Variants in MBNL1 observed in about 807,000 individuals in gnomAD.
MBNL1 encodes the protein muscleblind like splicing regulator 1.
Under a neutral mutation model 42.2 loss-of-function variants are expected in MBNL1, and 8 were observed. That is an observed-to-expected ratio of 0.19 (90% CI 0.11 to 0.34). MBNL1 has a LOEUF of 0.34. Ranked by LOEUF, MBNL1 falls within the 10% of genes least tolerant of loss-of-function variation. The pLI, the probability that MBNL1 is intolerant of heterozygous loss-of-function variation, is 1.00. For synonymous variants in MBNL1, 169 were observed against 173.9 expected (o/e 0.97, Z 0.22); for missense variants, 309 against 495.3 (o/e 0.62, Z 3.57).
At chr3:152,390,038 T>G (rs1310766288) in intron 2 of MBNL1, among the ~76,000 whole-genome samples, 3 of 151,838 alleles carry the variant, frequency 2.0e-5, no homozygotes, top group Non-Finnish European at 4.4e-5. Flanking sequence ...CCTGGCTAAT[T>G]TTTGTATTTT....
intron 2 of MBNL1, among the ~76,000 whole-genome samples, chr3:152,336,126 C>T (rs2152740738): frequency 6.7e-6 from 1 of 149,762 alleles, no homozygotes; most frequent in East Asian, 1.9e-4. Flanking sequence ...TTTAGATGAT[C>T]TGATCTTATG....
chr3:152,250,428 G>A (rs1171618020), intron 2 of MBNL1, among the ~76,000 whole-genome samples: 2 of 150,948 alleles, frequency 1.3e-5, no homozygotes, highest in East Asian at 3.9e-4. Flanking sequence ...TTTGTCTGTT[G>A]TTGGTGTATA....
chr3:152,414,960 A>G lies in MBNL1; in HGVS notation c.194A>G (p.Asn65Ser), dbSNP rs1279238020. 1 of 1,609,998 alleles carries G rather than the reference A, an allele frequency of 6.2e-7. No homozygotes were observed. The highest frequency in any genetic ancestry group is 2.2e-5 in the East Asian group (1 of 44,578). The change falls in exon 3 of 10, where the codon AAC (asparagine) becomes AGC (serine). Residue 65 changes from asparagine to serine, a missense_variant. Asn to Ser is a conservative substitution (Grantham distance 46, BLOSUM62 1). Coordinates refer to ENST00000324210, the MANE Select transcript of MBNL1 (RefSeq NM_021038.5). ...CTCTAGGGCCGTTGCTCCAGGGAGAACTGCAAATATCTTCATCCACCCCCA... is the reference window on the plus strand; with the variant it reads ...CTCTAGGGCCGTTGCTCCAGGGAGAGCTGCAAATATCTTCATCCACCCCCA... ...DSLKGRCSRE[N>S]CKYLHPPPHL...
intron 4 of MBNL1, among the ~76,000 whole-genome samples, chr3:152,444,766 G>C (rs2099197782): frequency 6.6e-6 from 1 of 152,126 alleles, no homozygotes; most frequent in Non-Finnish European, 1.5e-5. Context: ...GCATGACCTT[G>C]ACACTTTGGG....
chr3:152,420,627 A>G (rs1035910373), intron 3 of MBNL1, among the ~76,000 whole-genome samples: 9 of 152,226 alleles, frequency 5.9e-5, no homozygotes, highest in African/African-American at 2.2e-4. Flanking sequence ...CCAACATCAA[A>G]GACCAAAGGT....
At chr3:152,292,352 C>T (rs988830497) in intron 1 of MBNL1, among the ~76,000 whole-genome samples, 3 of 152,184 alleles carry the variant, frequency 2.0e-5, no homozygotes, top group African/African-American at 7.2e-5. Flanking sequence ...AATTGGAATA[C>T]AGTTTAGTTG....
At chr3:152,393,875 G>A (rs1324337548) in intron 2 of MBNL1, among the ~76,000 whole-genome samples, 3 of 152,076 alleles carry the variant, frequency 2.0e-5, no homozygotes, top group Non-Finnish European at 2.9e-5. Context: ...TTTTCTCAAA[G>A]GTAATTTCTT....
chr3:152,426,167 G>T (rs187440674), intron 3 of MBNL1, among the ~76,000 whole-genome samples: 3 of 151,732 alleles, frequency 2.0e-5, no homozygotes, highest in Non-Finnish European at 2.9e-5. Context: ...GTGGGCACGG[G>T]GGGGGAACAT....
chr3:152,441,106 A>G lies in MBNL1; in HGVS notation c.550-4176A>G, dbSNP rs1438717444. Among the ~76,000 whole-genome samples, 3 of 152,206 alleles carry G rather than the reference A, an allele frequency of 2.0e-5. No homozygotes were observed. In the South Asian group the frequency reaches 6.2e-4, roughly 31 times the overall value. ...CCAAGATGACTGAGTTAATTATACAAATATGGTGAACACAAAACATATTAC... is the reference window on the plus strand; with the variant it reads ...CCAAGATGACTGAGTTAATTATACAGATATGGTGAACACAAAACATATTAC... On this transcript the variant is annotated intron_variant, in intron 4 of 9. Transcript: ENST00000324210.
At chr3:152,407,254 G>GA (rs1266278950) in intron 2 of MBNL1, among the ~76,000 whole-genome samples, 1 of 113,754 alleles carries the variant, frequency 8.8e-6, no homozygotes, top group Non-Finnish European at 1.7e-5. Context: ...TCACTGGTAC[G>GA]AAAAAAATCT....
At chr3:152,461,428 C>T (rs1254862233) in intron 9 of MBNL1, among the ~76,000 whole-genome samples, 2 of 151,946 alleles carry the variant, frequency 1.3e-5, no homozygotes, top group East Asian at 3.9e-4. Flanking sequence ...TTTGACATGC[C>T]AGAAAAATCT....
chr3:152,296,339 C>CT (rs916721893), intron 1 of MBNL1, among the ~76,000 whole-genome samples: 1 of 152,054 alleles, frequency 6.6e-6, no homozygotes, highest in African/African-American at 2.4e-5. Flanking sequence ...TTGAGAATGA[C>CT]TGAGTCAAGG....
chr3:152,429,792 TTGTGTG>T (rs375863735), intron 3 of MBNL1, among the ~76,000 whole-genome samples: 8 of 149,706 alleles, frequency 5.3e-5, no homozygotes, highest in Non-Finnish European at 1.0e-4. Flanking sequence ...TGGTGTGTGT[TTGTGTG>T]TGTGTGTGTG....
chr3:152,313,767 C>T (rs1017081031), intron 2 of MBNL1, among the ~76,000 whole-genome samples: 8 of 152,132 alleles, frequency 5.3e-5, no homozygotes, highest in African/African-American at 1.9e-4. Context: ...TATAAGTGTG[C>T]ACATACTAGC....
At chr3:152,460,331 C>T (rs1743037121) in intron 9 of MBNL1, among the ~76,000 whole-genome samples, 1 of 151,564 alleles carries the variant, frequency 6.6e-6, no homozygotes, top group African/African-American at 2.4e-5. Flanking sequence ...CACAAATCTA[C>T]ATATTCAAAT....
chr3:152,331,707 GA>G (rs1037365701), intron 2 of MBNL1, among the ~76,000 whole-genome samples: 2 of 152,028 alleles, frequency 1.3e-5, no homozygotes, highest in African/African-American at 4.8e-5. Flanking sequence ...TTGATTGATT[GA>G]TTGATTGAGA....
intron 2 of MBNL1, among the ~76,000 whole-genome samples, chr3:152,248,992 C>T (rs2033879104): frequency 6.6e-6 from 1 of 151,294 alleles, no homozygotes; most frequent in South Asian, 2.1e-4. Flanking sequence ...GTATATGTGC[C>T]ACATTTTCTT....
chr3:152,419,437 A>G (rs2098760882), intron 3 of MBNL1, among the ~76,000 whole-genome samples: 1 of 152,128 alleles, frequency 6.6e-6, no homozygotes, highest in Non-Finnish European at 1.5e-5. Context: ...AAGCAGAAGC[A>G]TGGTAGGGTG....
rs534349925 is a variant in MBNL1 at position 152,450,726 on chromosome 3, T to C, written c.961+2953T>C. Among the ~76,000 whole-genome samples the C allele has an allele frequency of 5.4e-4, 82 of 152,350 alleles. 1 individual carries two copies. The highest frequency in any genetic ancestry group is 1.4e-3 in the Admixed American group (22 of 15,296). Reference sequence around the variant, plus strand: ...TGTATATGCCTCATAGGGTTGGTTGTAAGAAACCCGCACAACCTAACACAG... The same window carrying C: ...TGTATATGCCTCATAGGGTTGGTTGCAAGAAACCCGCACAACCTAACACAG... On this transcript the variant is annotated intron_variant, in intron 6 of 9. Transcript: ENST00000324210.
Sources: allele counts gnomAD v4.1 joint callset (sites outside exome capture counted in the v4.1 genomes callset), GRCh38; gene constraint gnomAD v4.1.1; transcripts MANE v1.5; gene names NCBI Gene and HGNC (gene_info 2026-07-23, HGNC 2026-07-21).